Variants in IGF1R observed in about 807,000 individuals in gnomAD.
IGF1R encodes the protein insulin like growth factor 1 receptor.
A neutral mutation model predicts 144.6 loss-of-function variants in IGF1R; 44 were observed. The ratio of observed to expected loss-of-function variants is 0.30; its 90% CI spans 0.24 to 0.39. IGF1R has a LOEUF of 0.39. IGF1R is among the 10% of genes least tolerant of loss of function. The probability of loss-of-function intolerance (pLI) is 1.00; values close to 1 mark genes in which losing one functional copy is unlikely to be tolerated. For missense variants in IGF1R, 1,355 were observed against 1,833.7 expected (o/e 0.74, Z 4.77); for synonymous variants, 795 against 722.8 (o/e 1.10, Z -1.60).
Position 98,899,493 on chromosome 15 carries a change from G to C in IGF1R, c.1119G>C (p.Glu373Asp). ...TCAATGTAGATAACATTGCTTCAGA[G>C]CTGGAGAACTTCATGGGGCTCATCG... is the stretch of plus-strand genomic sequence containing the variant. The part of the protein sequence containing the change: ...NIRRGNNIAS[E>D]LENFMGLIEV... Residue 373 changes from glutamate (E) to aspartate (D), a missense_variant, in exon 5 of 21, where the codon GAG becomes GAC. Glu to Asp is a conservative substitution (Grantham distance 45). Transcript: ENST00000650285. 1 of 1,614,172 alleles carries C rather than the reference G, an allele frequency of 6.2e-7. No homozygotes were observed. The highest frequency in any genetic ancestry group is 8.5e-7 in the Non-Finnish European group (1 of 1,180,008).
intron 2 of IGF1R, among the ~76,000 whole-genome samples, chr15:98,730,048 A>G (rs889377437): frequency 1.3e-5 from 2 of 152,164 alleles, no homozygotes; most frequent in African/African-American, 2.4e-5. Context: ...AATTTCTCAA[A>G]TATGGTTCTG....
intron 2 of IGF1R, among the ~76,000 whole-genome samples, chr15:98,762,748 A>T (rs950638670): frequency 6.6e-6 from 1 of 151,942 alleles, no homozygotes; most frequent in African/African-American, 2.4e-5. Context: ...AAACTAAAAC[A>T]AAAACAAAAA....
chr15:98,948,465 T>G, intron 19 of IGF1R, 109 bp from the exon 20 acceptor site: 1 of 1,169,812 alleles, frequency 8.5e-7, no homozygotes, highest in Non-Finnish European at 1.3e-6. Flanking sequence ...ACTGTCACCA[T>G]AGTAAGGACA....
intron 5 of IGF1R, among the ~76,000 whole-genome samples, chr15:98,903,184 G>A (rs1187043826): frequency 6.6e-6 from 1 of 152,204 alleles, no homozygotes; most frequent in East Asian, 1.9e-4. Context: ...AAGCTCTTGA[G>A]TAAGAGAATA....
intron 20 of IGF1R, 109 bp downstream of exon 20, chr15:98,948,817 C>T: frequency 2.4e-6 from 3 of 1,259,166 alleles, no homozygotes; most frequent in Non-Finnish European, 3.5e-6. Context: ...TGGTCCTGCG[C>T]CTCCCTTGCC....
chr15:98,650,431 C>T (rs1054468327), intron 1 of IGF1R, among the ~76,000 whole-genome samples: 1 of 152,214 alleles, frequency 6.6e-6, no homozygotes, highest in Non-Finnish European at 1.5e-5. Flanking sequence ...GGCCGGGAGT[C>T]TTCCTCAGCT....
intron 1 of IGF1R, among the ~76,000 whole-genome samples, chr15:98,695,015 T>C (rs570820466): frequency 1.8e-4 from 27 of 152,334 alleles, no homozygotes; most frequent in African/African-American, 5.8e-4. Flanking sequence ...AAGGAAAATG[T>C]TGTATGTGCA....
intron 13 of IGF1R, among the ~76,000 whole-genome samples, chr15:98,924,923 C>G (rs1384826264): frequency 1.3e-5 from 2 of 149,026 alleles, no homozygotes; most frequent in Non-Finnish European, 3.0e-5. Flanking sequence ...ATCCGAGCCT[C>G]TCCTTTGAGG....
chr15:98,904,525 G>A (rs1471880456), intron 5 of IGF1R, among the ~76,000 whole-genome samples: 1 of 152,180 alleles, frequency 6.6e-6, no homozygotes, highest in African/African-American at 2.4e-5. Context: ...TGGATTTGGG[G>A]GAGAGTGGAC....
chr15:98,845,305 A>G (rs955122135), intron 2 of IGF1R, among the ~76,000 whole-genome samples: 1 of 152,088 alleles, frequency 6.6e-6, no homozygotes, highest in African/African-American at 2.4e-5. Flanking sequence ...GGCTTTGTGC[A>G]TATGTAATTT....
chr15:98,957,128 A>C lies in IGF1R; in HGVS notation c.3790A>C (p.Ser1264Arg). The C allele has an allele frequency of 6.2e-7, 1 of 1,614,220 alleles. No individual in the cohort carries two copies. Residue 1264 changes from serine (S) to arginine (R), a missense_variant, in exon 21 of 21, where the codon AGC (serine) becomes CGC (arginine). Physicochemically the swap from Ser to Arg is moderately radical, Grantham distance 110. Around this residue, in one of 7 missense-constraint regions of IGF1R, gnomAD observed 219 missense variants for 188.8 expected, o/e 1.16. Transcript: ENST00000650285. The stretch of plus-strand genomic sequence containing the variant: ...GAGGCCTTCCTTCCTGGAGATCATC[A>C]GCAGCATCAAAGAGGAGATGGAGCC... ...KMRPSFLEII[S>R]SIKEEMEPGF...
intron 1 of IGF1R, among the ~76,000 whole-genome samples, chr15:98,650,047 A>C (rs7402983): frequency 0.64 from 97,574 of 151,628 alleles, 31,914 homozygotes; most frequent in African/African-American, 0.76. Flanking sequence ...TCCATGCGCA[A>C]GAGCCTCTCC....
chr15:98,656,204 G>A (rs965696236), intron 1 of IGF1R, among the ~76,000 whole-genome samples: 2 of 152,212 alleles, frequency 1.3e-5, no homozygotes, highest in African/African-American at 2.4e-5. Flanking sequence ...GGGAAGATGT[G>A]CACACCTGTG....
At chr15:98,852,479 G>A (rs906264465) in intron 2 of IGF1R, among the ~76,000 whole-genome samples, 1 of 152,226 alleles carries the variant, frequency 6.6e-6, no homozygotes, top group Non-Finnish European at 1.5e-5. Flanking sequence ...CGGGGCCCGG[G>A]CAGCGACTGG....
At chr15:98,657,019 G>C (rs2052501658) in intron 1 of IGF1R, among the ~76,000 whole-genome samples, 1 of 152,166 alleles carries the variant, frequency 6.6e-6, no homozygotes, top group South Asian at 2.1e-4. Flanking sequence ...ATATTTTATA[G>C]AGCATAACTT....
In IGF1R at chr15:98,768,796, C is replaced by T. The variant is rs1455464142; in HGVS notation, c.640+60689C>T. Among the ~76,000 whole-genome samples, 8 of 141,736 alleles carry T rather than the reference C, an allele frequency of 5.6e-5. No individual in the cohort carries two copies. In the East Asian group the frequency reaches 8.6e-4, roughly 15 times the overall value. The allele number at this position is 141,736 out of a possible 152,430, so 93.0% of individuals were successfully genotyped here. A position where few individuals can be genotyped will look rare whatever the true frequency, so the allele number is the denominator to read the frequency against. On this transcript the variant is annotated intron_variant, in intron 2 of 20. Coordinates refer to ENST00000650285, the MANE Select transcript of IGF1R (RefSeq NM_000875.5). Reference sequence around the variant, plus strand: ...AAAAAAAAAAAGCCGGGCGCGGTGCCGGGCGCCTGTAGTCCCAGCTACTCG... The same window carrying T: ...AAAAAAAAAAAGCCGGGCGCGGTGCTGGGCGCCTGTAGTCCCAGCTACTCG...
Position 98,891,649 on chromosome 15 carries a change from C to G in IGF1R, c.953+12C>G. ...AACGGCAGCCAGAGGTCAGTCGCGGCCACACGTGTGGTCACTACCCGCCCC... is the reference window on the plus strand; with the variant it reads ...AACGGCAGCCAGAGGTCAGTCGCGGGCACACGTGTGGTCACTACCCGCCCC... On this transcript the variant is annotated intron_variant, in intron 3 of 20. Transcript: ENST00000650285. The surrounding 1 kb of genome is among the most constrained non-coding windows in gnomAD (Gnocchi z 4.7). 6.3e-7 allele frequency: 1 copy of G among 1,598,952 alleles called. No individual in the cohort carries two copies. The highest frequency in any genetic ancestry group is 8.5e-7 in the Non-Finnish European group (1 of 1,179,492).
At chr15:98,896,684 C>T (rs527636422) in intron 3 of IGF1R, 73 bp from the exon 4 acceptor site, 1 of 1,450,376 alleles carries the variant, frequency 6.9e-7, no homozygotes, top group South Asian at 1.2e-5. Context: ...AAAGCATATC[C>T]TTATGGTTTT....
At chr15:98,840,848 C>G (rs2011161573) in intron 2 of IGF1R, among the ~76,000 whole-genome samples, 2 of 151,880 alleles carry the variant, frequency 1.3e-5, no homozygotes, top group African/African-American at 4.8e-5. Context: ...GCCTGGCTAA[C>G]TTTTGTATTT....
Sources: gnomAD v4.1 joint callset for allele counts (sites outside exome capture counted in the v4.1 genomes callset) on GRCh38, gnomAD v4.1.1 for gene constraint, gnomAD v4.1.1 regional missense constraint, Gnocchi (gnomAD v3.1) non-coding constraint, MANE v1.5 for transcripts, NCBI Gene and HGNC (gene_info 2026-07-23, HGNC 2026-07-21) for gene names.